Variants in LIN52 observed in about 807,000 individuals in gnomAD.
LIN52 encodes the protein protein lin-52 homolog.
A neutral mutation model predicts 18.5 loss-of-function variants in LIN52; 4 were observed. The ratio of observed to expected loss-of-function variants is 0.22; its 90% CI spans 0.11 to 0.49. The LOEUF (loss-of-function observed/expected upper bound fraction) is 0.49, where lower values mean the gene tolerates loss of function less well. LIN52 is among the 20% of genes least tolerant of loss of function. The pLI, the probability that LIN52 is intolerant of heterozygous loss-of-function variation, is 0.97. For missense variants in LIN52, 102 were observed against 139.5 expected (o/e 0.73, Z 1.35); for synonymous variants, 34 against 45.5 (o/e 0.75, Z 1.02).
chr14:74,181,021 A>T (rs2061316034), intron 5 of LIN52, among the ~76,000 whole-genome samples: 1 of 149,408 alleles, frequency 6.7e-6, no homozygotes, highest in Admixed American at 6.7e-5. Context: ...AGGTGGGAGG[A>T]TCACTTGAGC....
chr14:74,091,769 G>A (rs200089926), intron 2 of LIN52, among the ~76,000 whole-genome samples: 102 of 79,522 alleles, frequency 1.3e-3, no homozygotes, highest in African/African-American at 4.4e-3. Context: ...GTGAGACTCT[G>A]TCTCAAAAAA....
intron 5 of LIN52, among the ~76,000 whole-genome samples, chr14:74,114,818 G>A (rs2300191): frequency 0.56 from 84,706 of 151,948 alleles, 24,793 homozygotes; most frequent in East Asian, 0.89. Flanking sequence ...GAAATAGGAT[G>A]TACATAACTT....
chr14:74,179,375 T>C (rs1478516408), intron 5 of LIN52, among the ~76,000 whole-genome samples: 3 of 152,002 alleles, frequency 2.0e-5, no homozygotes, highest in African/African-American at 4.8e-5. Context: ...TTCTAATTCT[T>C]TGGGCCGGGC....
chr14:74,175,777 C>A (rs1443022288), intron 5 of LIN52, among the ~76,000 whole-genome samples: 2 of 149,022 alleles, frequency 1.3e-5, no homozygotes, highest in East Asian at 4.0e-4. Context: ...ATACCAAAAT[C>A]TTCTCCTTCT....
chr14:74,167,153 AT>A (rs1224529021), intron 5 of LIN52, among the ~76,000 whole-genome samples: 2 of 147,630 alleles, frequency 1.4e-5, no homozygotes, highest in African/African-American at 2.5e-5. Context: ...AGAAAAACTA[AT>A]TATCAACGTG....
Position 74,087,437 on chromosome 14 carries a change from T to A in LIN52, c.19+2444T>A, listed in dbSNP as rs950918248. Among the ~76,000 whole-genome samples the A allele has an allele frequency of 5.2e-4, 72 of 137,734 alleles. 1 individual carries two copies. The highest frequency in any genetic ancestry group is 1.6e-3 in the African/African-American group (58 of 36,584). 90.4% of individuals were successfully genotyped at this position (137,734 alleles called of 152,430 possible). A position where few individuals can be genotyped will look rare whatever the true frequency, so the allele number is the denominator to read the frequency against. ...GCAAAAAAAAAAAAAAAAAAAAAAATTAAATTTTTTTCCTTTTCTAGCCAT... is the reference window on the plus strand; with the variant it reads ...GCAAAAAAAAAAAAAAAAAAAAAAAATAAATTTTTTTCCTTTTCTAGCCAT... On this transcript the variant is annotated intron_variant, in intron 1 of 5. Transcript: ENST00000555028.
intron 5 of LIN52, among the ~76,000 whole-genome samples, chr14:74,135,476 A>G (rs2061092157): frequency 6.6e-6 from 1 of 152,198 alleles, no homozygotes; most frequent in Non-Finnish European, 1.5e-5. Flanking sequence ...TAATATACTG[A>G]GCAATTAAGT....
intron 5 of LIN52, among the ~76,000 whole-genome samples, chr14:74,171,018 CAAAA>C (rs11424527): frequency 2.4e-5 from 3 of 123,568 alleles, no homozygotes. Flanking sequence ...CCGTCTGTAC[CAAAA>C]AAAAAAAAAA....
chr14:74,184,194 C>T (rs1423508105), intron 5 of LIN52, among the ~76,000 whole-genome samples: 1 of 152,228 alleles, frequency 6.6e-6, no homozygotes, highest in Non-Finnish European at 1.5e-5. Flanking sequence ...GATCCTCCCA[C>T]CTCAGCCTCC....
chr14:74,139,387 G>A (rs1264441531), intron 5 of LIN52, among the ~76,000 whole-genome samples: 4 of 152,230 alleles, frequency 2.6e-5, no homozygotes, highest in African/African-American at 9.6e-5. Context: ...GTGAGGTGAT[G>A]TGTTGAGAAG....
chr14:74,114,685 A>G (rs1003934818), intron 5 of LIN52, among the ~76,000 whole-genome samples: 4 of 152,166 alleles, frequency 2.6e-5, no homozygotes, highest in African/African-American at 9.7e-5. Flanking sequence ...AGTAAATGTC[A>G]TTTGTAGAGG....
Position 74,098,704 on chromosome 14 carries a change from C to G in LIN52, c.199+844C>G, listed in dbSNP as rs557841261. 1.7e-4 allele frequency among the ~76,000 whole-genome samples: 26 copies of G among 152,064 alleles called. 1 individual carries two copies. In the South Asian group the frequency reaches 3.5e-3, roughly 21 times the overall value. On this transcript the variant is annotated intron_variant, in intron 4 of 5. Coordinates refer to ENST00000555028, the MANE Select transcript of LIN52 (RefSeq NM_001024674.3). ...CTGGAATTACAGGCATCCCCCACCA[C>G]GTCCAGCTAATTTTTGTAGTTTTAG...
At chr14:74,159,574 T>G (rs6574165) in intron 5 of LIN52, among the ~76,000 whole-genome samples, 1,578 of 40,204 alleles carry the variant, frequency 0.039, 20 homozygotes, top group African/African-American at 0.084. Flanking sequence ...TTTGTTTTTT[T>G]TTTTTTTTTT....
At chr14:74,091,100 G>C in intron 1 of LIN52, 132 bp from the exon 2 acceptor site, 1 of 559,380 alleles carries the variant, frequency 1.8e-6, no homozygotes, top group South Asian at 3.0e-5. Flanking sequence ...CGGACCAGTG[G>C]CATCAATAGT....
chr14:74,157,374 G>T (rs2061203970), intron 5 of LIN52, among the ~76,000 whole-genome samples: 1 of 151,376 alleles, frequency 6.6e-6, no homozygotes, highest in South Asian at 2.1e-4. Flanking sequence ...TAGACACTTA[G>T]GTTGATTCTG....
At chr14:74,161,197 A>G (rs1270481668) in intron 5 of LIN52, among the ~76,000 whole-genome samples, 1 of 152,080 alleles carries the variant, frequency 6.6e-6, no homozygotes, top group Non-Finnish European at 1.5e-5. Flanking sequence ...TTATTTATTT[A>G]TTTATTTATG....
intron 5 of LIN52, among the ~76,000 whole-genome samples, chr14:74,126,788 G>A (rs2061032229): frequency 6.6e-6 from 1 of 152,200 alleles, no homozygotes; most frequent in Admixed American, 6.5e-5. Context: ...TGGGGAAGGT[G>A]AAAATGTTTT....
At chr14:74,146,711 C>G (rs570210544) in intron 5 of LIN52, among the ~76,000 whole-genome samples, 1 of 151,920 alleles carries the variant, frequency 6.6e-6, no homozygotes, top group Non-Finnish European at 1.5e-5. Flanking sequence ...TGCAAGGGAC[C>G]CAGAATAGCA....
chr14:74,174,199 T>C (rs188015920), intron 5 of LIN52, among the ~76,000 whole-genome samples: 77 of 152,352 alleles, frequency 5.1e-4, no homozygotes, highest in Admixed American at 2.2e-3. Context: ...AATACAGTCA[T>C]ATGTTGCTTA....
Sources: gnomAD v4.1 joint callset for allele counts (sites outside exome capture counted in the v4.1 genomes callset) on GRCh38, gnomAD v4.1.1 for gene constraint, MANE v1.5 for transcripts, NCBI Gene and HGNC (gene_info 2026-07-23, HGNC 2026-07-21) for gene names.